MYH1: variants seen among roughly 807,000 people sequenced by gnomAD.
The protein encoded by MYH1 is myosin-1.
MYH1 carries 214 observed loss-of-function variants against 225.6 expected under a neutral mutation model. The ratio of observed to expected loss-of-function variants is 0.95; its 90% CI spans 0.85 to 1.06. The LOEUF is 1.06. Among genes scored for constraint, MYH1 ranks in the 50% least tolerant of loss-of-function variants. The pLI is 0.00. For missense variants in MYH1, 2,098 were observed against 2,344.2 expected, an observed-to-expected ratio of 0.89 and a Z score of 2.17; for synonymous variants, 774 against 842.3, an observed-to-expected ratio of 0.92 and a Z score of 1.40.
chr17:10,508,131 G>C (rs531092473), intron 16 of MYH1, among the ~76,000 whole-genome samples, 175 bp from the exon 17 acceptor site: 15 of 151,146 alleles, frequency 9.9e-5, no homozygotes, highest in Admixed American at 4.0e-4. Flanking sequence ...CGATTCTCCT[G>C]CCTCAGCCTC....
rs373075022 is a variant in MYH1, at chr17:10,496,960, G to A, written c.4656+109C>T. The A allele has an allele frequency of 2.1e-5, 30 of 1,431,946 alleles. 1 individual carries two copies. The highest frequency in any genetic ancestry group is 5.2e-4 in the Middle Eastern group (2 of 3,826). The allele number at this position is 1,431,946 out of a possible 1,614,324, so 88.7% of individuals were successfully genotyped here. A position where few individuals can be genotyped will look rare whatever the true frequency, so the allele number is the denominator to read the frequency against. On this transcript the variant is annotated intron_variant, in intron 33 of 39. Coordinates refer to ENST00000226207, the MANE Select transcript of MYH1 (RefSeq NM_005963.4). Reference sequence around the variant, plus strand: ...GATCAGTTCTCCATTCTCATCCCTAGTTCATGGAGCAAAAATTATTTTTCG... The same window carrying A: ...GATCAGTTCTCCATTCTCATCCCTAATTCATGGAGCAAAAATTATTTTTCG...
rs1156778148 is a variant in MYH1 at position 10,511,839 on chromosome 17, A to G, written c.1416T>C (p.Asp472=). The G allele has an allele frequency of 4.3e-6, 7 of 1,614,130 alleles. No individual in the cohort carries two copies. Among genetic ancestry groups the G allele is most frequent in the East Asian group, 2.2e-5 (1 of 44,890 alleles). ...TGGTACAATTTTTCTGCTAACTCAC[A>G]TCAAAGATCTCAAAGCCAGCAATGT... is the stretch of plus-strand genomic sequence containing the variant. ...VLDIAGFEIF[D]FNSLEQLCIN... Residue 472 remains aspartate (D), a splice_region_variant and synonymous_variant, in exon 14 of 40, where the codon GAT becomes GAC. Coordinates refer to ENST00000226207, the MANE Select transcript of MYH1 (RefSeq NM_005963.4).
chr17:10,501,703 A>G lies in MYH1; in HGVS notation c.3258-19T>C. 2 of 1,614,132 alleles carry G rather than the reference A, an allele frequency of 1.2e-6. No individual in the cohort carries two copies. The highest frequency in any genetic ancestry group is 1.7e-6 in the Non-Finnish European group (2 of 1,179,990). ...CTCTTTCCTATTAGAAAAGCCCTTTATGTCAGTCTCAGAAATATTAAGAGT... is the reference window on the plus strand; with the variant it reads ...CTCTTTCCTATTAGAAAAGCCCTTTGTGTCAGTCTCAGAAATATTAAGAGT... On this transcript the variant is annotated intron_variant, in intron 25 of 39. Transcript: ENST00000226207.
In MYH1 at chr17:10,503,017, T is replaced by C. The variant is rs777198468; in HGVS notation, c.2923A>G (p.Thr975Ala). The change falls in exon 23 of 40, where the codon ACA becomes GCA. Residue 975 changes from threonine (T) to alanine (A), a missense_variant. By Grantham distance (58) the Thr-to-Ala change is moderately conservative. Coordinates refer to ENST00000226207, the MANE Select transcript of MYH1 (RefSeq NM_005963.4). ...AATATGATTGATACCTTGTTTTCTG[T>C]GGCATGTTTCTCCTTCTCAACCTTG... The part of the protein sequence containing the change: ...LAKVEKEKHA[T>A]ENKVKNLTEE... 2 of 1,613,930 alleles carry C rather than the reference T, an allele frequency of 1.2e-6. No individual in the cohort carries two copies. The highest frequency in any genetic ancestry group is 3.3e-5 in the Admixed American group (2 of 60,018).
chr17:10,512,649 G>A (rs748476166), intron 11 of MYH1, 32 bp downstream of exon 11: 18 of 1,611,552 alleles, frequency 1.1e-5, no homozygotes, highest in Admixed American at 1.7e-5. Context: ...CATGCATAAT[G>A]GATTTTAAAT....
At chr17:10,513,769 T>A in intron 8 of MYH1, 52 bp downstream of exon 8, 1 of 1,613,010 alleles carries the variant, frequency 6.2e-7, no homozygotes, top group Non-Finnish European at 8.5e-7. Context: ...TCAGACATGC[T>A]TTCTCTGGCA....
At position 10,495,196 on chromosome 17, in the gene MYH1, G is replaced by A. The variant is rs753825237; in HGVS notation, c.5291C>T (p.Thr1764Ile). 10 of 1,614,164 alleles carry A rather than the reference G, an allele frequency of 6.2e-6. No homozygotes were observed. Among genetic ancestry groups the A allele is most frequent in the East Asian group, 2.2e-5 (1 of 44,874 alleles). Residue 1764 changes from threonine (T) to isoleucine (I), a missense_variant, in exon 36 of 40, where the codon ACT becomes ATT. Transcript: ENST00000226207. The stretch of plus-strand genomic sequence containing the variant: ...ACTGTGTTACCCTTCACTCACATCA[G>A]TGATGGCCTTCTTGGCCTTCTCTTC... ...NAEEKAKKAI[T>I]DAAMMAEELK...
At chr17:10,501,084 T>A (rs1377013233) in intron 27 of MYH1, 26 bp downstream of exon 27, 1 of 1,607,056 alleles carries the variant, frequency 6.2e-7, no homozygotes, top group Non-Finnish European at 8.5e-7. Flanking sequence ...AAAAACCAAA[T>A]AATCAATGTG....
rs755008115 is a variant in MYH1, at chr17:10,505,819, T to C, written c.2167A>G (p.Lys723Glu). The change falls in exon 19 of 40, where the codon AAA (lysine) becomes GAA (glutamate). Residue 723 changes from lysine to glutamate, a missense_variant. Coordinates refer to ENST00000226207, the MANE Select transcript of MYH1 (RefSeq NM_005963.4). Reference protein sequence around the residue: ...FPSRILYADFKQRYKVLNASA... With the variant: ...FPSRILYADFEQRYKVLNASA... ...ACAGCAAAAATGTCTGACCTCTGTT[T>C]GAAGTCTGCATAAAGGATTCTGCTT... is the stretch of plus-strand genomic sequence containing the variant. 6.2e-7 allele frequency: 1 copy of C among 1,614,042 alleles called. No homozygotes were observed. Among genetic ancestry groups the C allele is most frequent in the Non-Finnish European group, 8.5e-7 (1 of 1,179,910 alleles).
At chr17:10,502,112 T>C (rs2073064541) in intron 24 of MYH1, among the ~76,000 whole-genome samples, 1 of 152,224 alleles carries the variant, frequency 6.6e-6, no homozygotes, top group Non-Finnish European at 1.5e-5. Flanking sequence ...CTTTGTCACG[T>C]TGTTACAATA....
At chr17:10,513,145 G>A (rs9893407) in intron 9 of MYH1, among the ~76,000 whole-genome samples, 180 bp from the exon 10 acceptor site, 2 of 152,000 alleles carry the variant, frequency 1.3e-5, no homozygotes, top group African/African-American at 4.8e-5. Context: ...CTGCCTCCTG[G>A]GAAAAAAGTG....
intron 28 of MYH1, among the ~76,000 whole-genome samples, chr17:10,500,414 AT>A (rs1402846018): frequency 6.6e-6 from 1 of 150,902 alleles, no homozygotes; most frequent in Non-Finnish European, 1.5e-5. Context: ...ATATATATGG[AT>A]ATATATGTTT....
At chr17:10,511,707 G>A (rs2073171155) in intron 14 of MYH1, 132 bp downstream of exon 14, 1 of 1,400,622 alleles carries the variant, frequency 7.1e-7, no homozygotes, top group South Asian at 1.3e-5. Context: ...GCTCTTTCAT[G>A]TGTCAGTTAA....
chr17:10,501,823 T>C lies in MYH1; in HGVS notation c.3200A>G (p.Gln1067Arg), dbSNP rs1394527074. 6.2e-7 allele frequency: 1 copy of C among 1,613,544 alleles called. No individual in the cohort carries two copies. The highest frequency in any genetic ancestry group is 8.5e-7 in the Non-Finnish European group (1 of 1,179,666). The stretch of plus-strand genomic sequence containing the variant: ...ATTTTCTATATCCATTGTGGATTCT[T>C]GAGCCAATTTTAGGTCTCCCTCTAG... ...RKLEGDLKLA[Q>R]ESTMDIENDK... is the part of the protein sequence containing the mutation. Residue 1067 changes from glutamine (Q) to arginine (R), a missense_variant, in exon 25 of 40, where the codon CAA (glutamine) becomes CGA (arginine). Transcript: ENST00000226207.
rs143556595 is a variant in MYH1, at chr17:10,512,509, C to T, written c.1046G>A (p.Arg349Lys). Reference protein sequence around the residue: ...IEILGFTSDERVSIYKLTGAV... With the variant: ...IEILGFTSDEKVSIYKLTGAV... Reference sequence around the variant, plus strand: ...CCCTGTGAGCTTATAGATGGACACTCTTTCATCTGAAGTAAAGCCCAGAAT... The same window carrying T: ...CCCTGTGAGCTTATAGATGGACACTTTTTCATCTGAAGTAAAGCCCAGAAT... The change falls in exon 12 of 40, where the codon AGA (arginine) becomes AAA (lysine). Residue 349 changes from arginine (R) to lysine (K), a missense_variant. By Grantham distance (26) the Arg-to-Lys change is conservative. Transcript: ENST00000226207. 4.6e-4 allele frequency: 747 copies of T among 1,614,104 alleles called. 1 individual carries two copies. The African/African-American group carries it at 8.8e-3, about 19-fold the overall frequency.
chr17:10,514,829 G>A, intron 6 of MYH1, 39 bp downstream of exon 6: 1 of 1,588,748 alleles, frequency 6.3e-7, no homozygotes, highest in Non-Finnish European at 8.6e-7. Flanking sequence ...TTTCCAGTAA[G>A]AACAAACTGC....
intron 22 of MYH1, among the ~76,000 whole-genome samples, chr17:10,504,116 T>C (rs1029076930): frequency 1.2e-4 from 18 of 152,346 alleles, no homozygotes; most frequent in Middle Eastern, 3.4e-3. Flanking sequence ...GTTTCTGCTG[T>C]TGGTTTTGGT....
Position 10,496,144 on chromosome 17 carries a change from G to A in MYH1, c.4975C>T (p.Leu1659Phe). Residue 1659 changes from leucine to phenylalanine, a missense_variant, in exon 35 of 40, where the codon CTC becomes TTC. Leu to Phe is a conservative substitution (Grantham distance 22). Transcript: ENST00000226207. ...NTQAILKDTQLHLDDALRSQE... is the reference protein window; with the variant it reads ...NTQAILKDTQFHLDDALRSQE... ...CTCCGGAGAGCATCATCCAGGTGGA[G>A]CTGGGTATCCTGTGGAACAAACCGT... 1 of 1,612,280 alleles carries A rather than the reference G, an allele frequency of 6.2e-7. No individual in the cohort carries two copies. Among genetic ancestry groups the A allele is most frequent in the South Asian group, 1.1e-5 (1 of 90,804 alleles).
In MYH1 at chr17:10,512,983, C is replaced by A; in HGVS notation, c.806-18G>T. 2 of 1,559,276 alleles carry A rather than the reference C, an allele frequency of 1.3e-6. No homozygotes were observed. The highest frequency in any genetic ancestry group is 2.3e-5 in the South Asian group (2 of 88,784). ...CAGAAGATCTGCAACGGATAGTAGACATCAGATTATGGGGAAAAATTACAC... is the reference window on the plus strand; with the variant it reads ...CAGAAGATCTGCAACGGATAGTAGAAATCAGATTATGGGGAAAAATTACAC... On this transcript the variant is annotated intron_variant, in intron 9 of 39. Transcript: ENST00000226207.
Sources: allele counts gnomAD v4.1 joint callset (sites outside exome capture counted in the v4.1 genomes callset), GRCh38; gene constraint gnomAD v4.1.1; transcripts MANE v1.5; gene names NCBI Gene and HGNC (gene_info 2026-07-23, HGNC 2026-07-21).